Variants in SH3BGRL2 observed in about 807,000 individuals in gnomAD.
SH3BGRL2 encodes SH3 domain binding glutamate rich protein like 2.
SH3BGRL2 carries 21 observed loss-of-function variants against 14.8 expected under a neutral mutation model. The ratio of observed to expected loss-of-function variants is 1.42; its 90% CI spans 1.01 to 2.05. The LOEUF (loss-of-function observed/expected upper bound fraction) is 2.05. Among genes scored for constraint, SH3BGRL2 ranks in the 30% most tolerant of loss-of-function variants. The pLI is 0.00. For synonymous variants in SH3BGRL2, 50 were observed against 47.8 expected, an observed-to-expected ratio of 1.05 and a Z score of -0.19; for missense variants, 147 against 130.8, an observed-to-expected ratio of 1.12 and a Z score of -0.61.
the SH3BGRL2 span, among the ~76,000 whole-genome samples, chr6:79,612,856 CTGAT>C: frequency 6.6e-6 from 1 of 152,200 alleles, no homozygotes; most frequent in Non-Finnish European, 1.5e-5. Context: ...ACTATGTCTA[CTGAT>C]TAAGTGGGAT....
chr6:79,571,891 T>C, the SH3BGRL2 span, among the ~76,000 whole-genome samples: 1 of 152,308 alleles, frequency 6.6e-6, no homozygotes, highest in Admixed American at 6.5e-5. Context: ...TCTAAGAAGC[T>C]CTATTCATTT....
At chr6:79,621,067 C>T in the SH3BGRL2 span, among the ~76,000 whole-genome samples, 1 of 152,028 alleles carries the variant, frequency 6.6e-6, no homozygotes, top group Non-Finnish European at 1.5e-5. Context: ...CCAGCCATGT[C>T]TCTTTTTATT....
At chr6:79,600,782 G>C in the SH3BGRL2 span, among the ~76,000 whole-genome samples, 1 of 152,122 alleles carries the variant, frequency 6.6e-6, no homozygotes, top group Non-Finnish European at 1.5e-5. Flanking sequence ...AAGCACTTAT[G>C]TCTTTCATCT....
the SH3BGRL2 span, among the ~76,000 whole-genome samples, chr6:79,613,659 G>A: frequency 7.9e-5 from 12 of 151,980 alleles, no homozygotes; most frequent in Non-Finnish European, 1.6e-4. Context: ...TGCCAAGGCT[G>A]GAGTGCAGTG....
chr6:79,553,681 T>C, the SH3BGRL2 span, among the ~76,000 whole-genome samples: 2 of 152,106 alleles, frequency 1.3e-5, no homozygotes, highest in Non-Finnish European at 2.9e-5. Context: ...GAGGAAATTA[T>C]ATGGTCTGGG....
intron 1 of SH3BGRL2, among the ~76,000 whole-genome samples, chr6:79,635,497 T>C (rs748577748): frequency 3.9e-5 from 6 of 152,218 alleles, no homozygotes; most frequent in African/African-American, 7.2e-5. Context: ...TGATGTAAGG[T>C]GCTAGGTGTA....
intron 1 of SH3BGRL2, among the ~76,000 whole-genome samples, chr6:79,662,422 T>G (rs1288159773): frequency 6.6e-6 from 1 of 152,200 alleles, no homozygotes; most frequent in Non-Finnish European, 1.5e-5. Flanking sequence ...TTTGGCTGGA[T>G]ATGAAATTCT....
the SH3BGRL2 span, among the ~76,000 whole-genome samples, chr6:79,604,985 C>T: frequency 6.6e-6 from 1 of 152,198 alleles, no homozygotes; most frequent in African/African-American, 2.4e-5. Context: ...TCCCACAACT[C>T]TTTGCAAGGT....
chr6:79,600,102 C>T, the SH3BGRL2 span, among the ~76,000 whole-genome samples: 2 of 152,180 alleles, frequency 1.3e-5, no homozygotes, highest in African/African-American at 4.8e-5. Context: ...GCAACCTTGG[C>T]ACTATCAGTA....
chr6:79,557,430 T>C, the SH3BGRL2 span, among the ~76,000 whole-genome samples: 6 of 151,984 alleles, frequency 3.9e-5, no homozygotes, highest in Non-Finnish European at 7.4e-5. Context: ...GAAGAAGATG[T>C]TGAATTTTTC....
At chr6:79,657,970 A>C (rs1320743535) in intron 1 of SH3BGRL2, among the ~76,000 whole-genome samples, 3 of 152,150 alleles carry the variant, frequency 2.0e-5, no homozygotes, top group Non-Finnish European at 4.4e-5. Flanking sequence ...ATTTGTTAGT[A>C]GTGGATTAGA....
At chr6:79,640,351 C>A (rs771879375) in intron 1 of SH3BGRL2, among the ~76,000 whole-genome samples, 1 of 152,172 alleles carries the variant, frequency 6.6e-6, no homozygotes, top group Non-Finnish European at 1.5e-5. Context: ...TATTTTCTAA[C>A]TCTAAAACAG....
chr6:79,666,079 G>A (rs1055311945), intron 1 of SH3BGRL2, among the ~76,000 whole-genome samples: 2 of 152,162 alleles, frequency 1.3e-5, no homozygotes, highest in South Asian at 2.1e-4. Context: ...GTTTCAGTTA[G>A]GAATGTGTTC....
intron 1 of SH3BGRL2, among the ~76,000 whole-genome samples, chr6:79,671,750 T>G (rs1200575690): frequency 6.6e-6 from 1 of 151,690 alleles, no homozygotes; most frequent in African/African-American, 2.4e-5. Context: ...GCTGATGTGT[T>G]TCTCTAAGTT....
the SH3BGRL2 span, among the ~76,000 whole-genome samples, chr6:79,568,427 A>C: frequency 6.6e-6 from 1 of 152,230 alleles, no homozygotes; most frequent in Non-Finnish European, 1.5e-5. Context: ...TCATGTGTCC[A>C]CGTGAATGAC....
intron 1 of SH3BGRL2, among the ~76,000 whole-genome samples, chr6:79,663,404 C>T (rs1015280551): frequency 1.3e-5 from 2 of 152,204 alleles, no homozygotes; most frequent in African/African-American, 4.8e-5. Flanking sequence ...CAGTCAGTTT[C>T]CTCAGCTGCA....
At chr6:79,576,465 C>T in the SH3BGRL2 span, among the ~76,000 whole-genome samples, 211 of 152,258 alleles carry the variant, frequency 1.4e-3, 2 homozygotes, top group African/African-American at 4.8e-3. Context: ...GTCATTTCCT[C>T]GTAGCATTCG....
In SH3BGRL2 at chr6:79,665,064, G is replaced by A. The variant is rs9361546; in HGVS notation, c.46-8550G>A. ...AAAATACGAAAATTAGCAAGGCGTC[G>A]TGGCGGGCGCCTGTAGTCCCAGCTA... is the stretch of plus-strand genomic sequence containing the variant. On this transcript the variant is annotated intron_variant, in intron 1 of 3. Coordinates refer to ENST00000369838, the MANE Select transcript of SH3BGRL2 (RefSeq NM_031469.4). Among the ~76,000 whole-genome samples the A allele has an allele frequency of 2.2e-4, 33 of 152,282 alleles. No homozygotes were observed. In the East Asian group the frequency reaches 5.6e-3, roughly 26 times the overall value.
the SH3BGRL2 span, among the ~76,000 whole-genome samples, chr6:79,585,582 T>C: frequency 1.3e-5 from 2 of 152,140 alleles, no homozygotes; most frequent in Admixed American, 1.3e-4. Context: ...TCCTGACGAC[T>C]CTCTAGTGTG....
Sources: gnomAD v4.1 joint callset for allele counts (sites outside exome capture counted in the v4.1 genomes callset) on GRCh38, gnomAD v4.1.1 for gene constraint, MANE v1.5 for transcripts, NCBI Gene and HGNC (gene_info 2026-07-23, HGNC 2026-07-21) for gene names.